The following UBE2E1 variants were observed in gnomAD, a reference collection of about 807,000 sequenced individuals.
UBE2E1 encodes ubiquitin-conjugating enzyme E2 E1.
In UBE2E1, 6 loss-of-function variants were observed where a neutral mutation model predicts 21.4. The ratio of observed to expected loss-of-function variants is 0.28; its 90% CI spans 0.15 to 0.55. The LOEUF (loss-of-function observed/expected upper bound fraction) is 0.55. Ranked by LOEUF, UBE2E1 falls within the 20% of genes least tolerant of loss-of-function variation. The pLI, the probability that UBE2E1 is intolerant of heterozygous loss-of-function variation, is 0.93. For synonymous variants in UBE2E1, 87 were observed against 82.7 expected (o/e 1.05, Z -0.28); for missense variants, 142 against 236.5 (o/e 0.60, Z 2.62).
At chr3:23,832,944 A>G (rs898624326) in intron 3 of UBE2E1, among the ~76,000 whole-genome samples, 1 of 151,826 alleles carries the variant, frequency 6.6e-6, no homozygotes, top group Non-Finnish European at 1.5e-5. Context: ...TGAGGCAGGA[A>G]GATTGCTTGA....
chr3:23,857,510 A>G (rs1700468639), intron 3 of UBE2E1, among the ~76,000 whole-genome samples: 2 of 152,236 alleles, frequency 1.3e-5, no homozygotes. Flanking sequence ...TTATTTTCCA[A>G]AACATACACT....
At chr3:23,841,176 T>C (rs780581384) in intron 3 of UBE2E1, among the ~76,000 whole-genome samples, 1 of 152,230 alleles carries the variant, frequency 6.6e-6, no homozygotes, top group African/African-American at 2.4e-5. Context: ...TAAAGAGTTA[T>C]TGGATTCTTT....
intron 3 of UBE2E1, among the ~76,000 whole-genome samples, chr3:23,860,629 G>A (rs1368559790): frequency 6.6e-6 from 1 of 152,108 alleles, no homozygotes; most frequent in African/African-American, 2.4e-5. Context: ...CCCAACCAAC[G>A]TATCAAGTGA....
intron 3 of UBE2E1, among the ~76,000 whole-genome samples, chr3:23,857,359 A>C (rs1019316470): frequency 4.6e-5 from 7 of 152,216 alleles, no homozygotes; most frequent in Non-Finnish European, 8.8e-5. Context: ...TCTTAGAAAG[A>C]AGCACACATT....
In UBE2E1 at chr3:23,887,386, T is replaced by C. The variant is rs951523256; in HGVS notation, c.204-181T>C. On this transcript the variant is annotated intron_variant, in intron 3 of 5. Transcript: ENST00000306627. This position sits in a 1 kb window ranked among gnomAD's most constrained non-coding sequence, Gnocchi z 4.4. ...TTTTAACATTCTTTTATCATCCAGT[T>C]TGCTTGACCAATGGCTATGGGTTTG... 2.0e-5 allele frequency among the ~76,000 whole-genome samples: 3 copies of C among 152,222 alleles called. No individual in the cohort carries two copies. Among genetic ancestry groups the C allele is most frequent in the Non-Finnish European group, 4.4e-5 (3 of 68,034 alleles).
chr3:23,833,492 A>G (rs1699911147), intron 3 of UBE2E1, among the ~76,000 whole-genome samples: 1 of 152,258 alleles, frequency 6.6e-6, no homozygotes. Flanking sequence ...GATACAAATA[A>G]ACACTGATTC....
In UBE2E1 at chr3:23,854,615, A is replaced by AATT. The variant is rs1700397921; in HGVS notation, c.204-32951_204-32950insTTA. ...TGTAACAGAAAAAGCCCTAACTAATAAGCTATTAGTCTTCTTGAATAAATT... is the reference window on the plus strand; with the variant it reads ...TGTAACAGAAAAAGCCCTAACTAATAATTAGCTATTAGTCTTCTTGAATAAATT... On this transcript the variant is annotated intron_variant, in intron 3 of 5. Transcript: ENST00000306627. Among the ~76,000 whole-genome samples, 8 of 152,292 alleles carry AATT rather than the reference A, an allele frequency of 5.3e-5. No individual in the cohort carries two copies. In the South Asian group the frequency reaches 1.7e-3, roughly 32 times the overall value.
rs182636348 is a variant in UBE2E1 at position 23,827,362 on chromosome 3, A to T, written c.203+15852A>T. Among the ~76,000 whole-genome samples the T allele has an allele frequency of 6.4e-3, 982 of 152,332 alleles. 9 individuals carry two copies. The highest frequency in any genetic ancestry group is 9.5e-3 in the Non-Finnish European group (646 of 68,022). ...TATGATATTCTGGACAGCTTTTTAGATTTACTATACAAATTTTAGCTTAGT... is the reference window on the plus strand; with the variant it reads ...TATGATATTCTGGACAGCTTTTTAGTTTTACTATACAAATTTTAGCTTAGT... On this transcript the variant is annotated intron_variant, in intron 3 of 5. Coordinates refer to ENST00000306627, the MANE Select transcript of UBE2E1 (RefSeq NM_003341.5).
chr3:23,846,698 CA>C lies in UBE2E1; in HGVS notation c.203+35208del, dbSNP rs10662469. Among the ~76,000 whole-genome samples the C allele has an allele frequency of 5.1e-3, 457 of 89,824 alleles. 2 individuals carry two copies. The highest frequency in any genetic ancestry group is 0.016 in the African/African-American group (361 of 22,576). 58.9% of individuals were successfully genotyped at this position (89,824 alleles called of 152,430 possible). ...GCGACAGAGCGAGACTCCATCTCATCAAAAAAAAAAAAAAAAAAAAGGGAAT... is the reference window on the plus strand; with the variant it reads ...GCGACAGAGCGAGACTCCATCTCATCAAAAAAAAAAAAAAAAAAAGGGAAT... On this transcript the variant is annotated intron_variant, in intron 3 of 5. Coordinates refer to ENST00000306627, the MANE Select transcript of UBE2E1 (RefSeq NM_003341.5).
chr3:23,845,134 T>A (rs1700168979), intron 3 of UBE2E1, among the ~76,000 whole-genome samples: 1 of 152,124 alleles, frequency 6.6e-6, no homozygotes, highest in African/African-American at 2.4e-5. Context: ...AGAAAGAAAA[T>A]GCGACCCACA....
rs919045874 is a variant in UBE2E1 at position 23,853,420 on chromosome 3, T to G, written c.204-34147T>G. Among the ~76,000 whole-genome samples, 18 of 152,364 alleles carry G rather than the reference T, an allele frequency of 1.2e-4. No homozygotes were observed. Among genetic ancestry groups the G allele is most frequent in the African/African-American group, 4.3e-4 (18 of 41,584 alleles). ...CTGTGGGTTTATCATTAGTGTCTGT[T>G]TAAGAGCCAAGCATTTTAATTTTGA... On this transcript the variant is annotated intron_variant, in intron 3 of 5. Coordinates refer to ENST00000306627, the MANE Select transcript of UBE2E1 (RefSeq NM_003341.5). The surrounding 1 kb of genome is among the most constrained non-coding windows in gnomAD (Gnocchi z 4.1).
chr3:23,807,536 T>G (rs1699305364), intron 2 of UBE2E1, 115 bp downstream of exon 2: 1 of 1,332,428 alleles, frequency 7.5e-7, no homozygotes, highest in African/African-American at 1.5e-5. Context: ...TATGTGTTCT[T>G]AAAAATGAAA....
Position 23,816,865 on chromosome 3 carries a change from T to A in UBE2E1, c.203+5355T>A, listed in dbSNP as rs960176834. Among the ~76,000 whole-genome samples, 4 of 152,160 alleles carry A rather than the reference T, an allele frequency of 2.6e-5. No individual in the cohort carries two copies. The highest frequency in any genetic ancestry group is 2.6e-4 in the Admixed American group (4 of 15,276). ...AGGGGAGGGGAGAATGGGGAGTTAT[T>A]TCTTAATGAATACAGTTTCTTTTTG... On this transcript the variant is annotated intron_variant, in intron 3 of 5. Transcript: ENST00000306627. The surrounding 1 kb of genome is among the most constrained non-coding windows in gnomAD (Gnocchi z 4.8).
intron 3 of UBE2E1, among the ~76,000 whole-genome samples, chr3:23,878,268 G>A (rs1700960537): frequency 6.6e-6 from 1 of 152,114 alleles, no homozygotes; most frequent in African/African-American, 2.4e-5. Context: ...CAGGAGGGCA[G>A]ACAGGCAAAC....
intron 3 of UBE2E1, among the ~76,000 whole-genome samples, chr3:23,865,425 C>T (rs1375296379): frequency 1.3e-5 from 2 of 152,206 alleles, no homozygotes; most frequent in African/African-American, 4.8e-5. Flanking sequence ...GCAATCTCGG[C>T]TCACTGCAGC....
At chr3:23,858,712 G>A (rs919207251) in intron 3 of UBE2E1, among the ~76,000 whole-genome samples, 6 of 152,078 alleles carry the variant, frequency 3.9e-5, no homozygotes, top group African/African-American at 7.2e-5. Flanking sequence ...CTTACCACTC[G>A]TGTGTAAGAA....
Position 23,873,958 on chromosome 3 carries a change from C to CA in UBE2E1, c.204-13603dup, listed in dbSNP as rs1267378376. ...TAATAGATTCATATCACACAGTGAG[C>CA]AAAAAATCACTGTGCAAGACTGTTC... is the stretch of plus-strand genomic sequence containing the variant. On this transcript the variant is annotated intron_variant, in intron 3 of 5. Transcript: ENST00000306627. Among the ~76,000 whole-genome samples, 119 of 152,124 alleles carry CA rather than the reference C, an allele frequency of 7.8e-4. 1 individual carries two copies. The highest frequency in any genetic ancestry group is 1.2e-4 in the African/African-American group (5 of 41,444).
chr3:23,862,395 C>A (rs1383984516), intron 3 of UBE2E1, among the ~76,000 whole-genome samples: 1 of 152,198 alleles, frequency 6.6e-6, no homozygotes, highest in Non-Finnish European at 1.5e-5. Context: ...AACTTAGATA[C>A]CATTACACTG....
In UBE2E1 at chr3:23,863,280, C is replaced by T. The variant is rs1450978512; in HGVS notation, c.204-24287C>T. 6.6e-6 allele frequency among the ~76,000 whole-genome samples: 1 copy of T among 152,090 alleles called. No homozygotes were observed. Among genetic ancestry groups the T allele is most frequent in the Non-Finnish European group, 1.5e-5 (1 of 68,018 alleles). ...TTCCTTTATCCTGTTTTGCTTAGAT[C>T]AATGTTGATAAAATATTCACTGTTT... On this transcript the variant is annotated intron_variant, in intron 3 of 5. Coordinates refer to ENST00000306627, the MANE Select transcript of UBE2E1 (RefSeq NM_003341.5). The surrounding 1 kb of genome is among the most constrained non-coding windows in gnomAD (Gnocchi z 4.3).
Sources: gnomAD v4.1 joint callset for allele counts (sites outside exome capture counted in the v4.1 genomes callset) on GRCh38, gnomAD v4.1.1 for gene constraint, Gnocchi (gnomAD v3.1) non-coding constraint, MANE v1.5 for transcripts, NCBI Gene and HGNC (gene_info 2026-07-23, HGNC 2026-07-21) for gene names.